TMSB15B: variants seen among roughly 807,000 people sequenced by gnomAD.
TMSB15B encodes the protein thymosin beta 15B.
chrX:103,929,534 T>G (rs1458121885), intron 1 of TMSB15B, among the ~76,000 whole-genome samples: 4 of 111,597 alleles, frequency 3.6e-5, no homozygotes, highest in African/African-American at 1.3e-4. Context: ...AGGCTGTGGG[T>G]CCTACTTTCA....
intron 1 of TMSB15B, among the ~76,000 whole-genome samples, chrX:103,945,546 T>C (rs1458423357): frequency 1.8e-5 from 2 of 112,511 alleles, no homozygotes; most frequent in Non-Finnish European, 3.8e-5. Context: ...GAGTGAATCC[T>C]TAATGACCCA....
rs782320457 is a variant in TMSB15B, at chrX:103,945,561, C to G, written c.-720-16460C>G. 1.1e-4 allele frequency among the ~76,000 whole-genome samples: 12 copies of G among 112,417 alleles called. No individual in the cohort carries two copies. The East Asian group carries it at 2.2e-3, about 21-fold the overall frequency. On this transcript the variant is annotated intron_variant, in intron 1 of 3. Coordinates refer to the TMSB15B transcript ENST00000419165. ...GAGTGAATCCTTAATGACCCAGAAG[C>G]CTGTTAAATATTCCACCCCCTCTCA...
intron 1 of TMSB15B, among the ~76,000 whole-genome samples, chrX:103,950,636 C>A (rs1427676216): frequency 1.8e-5 from 2 of 108,792 alleles, no homozygotes; most frequent in African/African-American, 6.7e-5. Flanking sequence ...ATATATAAAA[C>A]AATTTACTAT....
intron 1 of TMSB15B, among the ~76,000 whole-genome samples, chrX:103,930,404 C>T (rs2074981371): frequency 9.0e-6 from 1 of 111,338 alleles, no homozygotes; most frequent in Non-Finnish European, 1.9e-5. Flanking sequence ...ATAGATGGTA[C>T]TGATTCTGTT....
chrX:103,950,008 G>A (rs1371294795), intron 1 of TMSB15B, among the ~76,000 whole-genome samples: 4 of 111,348 alleles, frequency 3.6e-5, no homozygotes, highest in African/African-American at 1.3e-4. Flanking sequence ...CTCATTAGCC[G>A]TGCCCAATGC....
rs145402369 is a variant in TMSB15B at position 103,927,182 on chromosome X, G to T, written c.-721+7890G>T. Among the ~76,000 whole-genome samples, 24 of 110,948 alleles carry T rather than the reference G, an allele frequency of 2.2e-4. No individual in the cohort carries two copies. In the East Asian group the frequency reaches 6.8e-3, roughly 32 times the overall value. ...ATCTAGTACAGTGGTGCTGAGCTGGGAACAGTTTTGCCTCCCTGGGGACGT... is the reference window on the plus strand; with the variant it reads ...ATCTAGTACAGTGGTGCTGAGCTGGTAACAGTTTTGCCTCCCTGGGGACGT... On this transcript the variant is annotated intron_variant, in intron 1 of 3. Transcript: ENST00000419165.
At chrX:103,954,315 G>T (rs1208531648) in intron 1 of TMSB15B, among the ~76,000 whole-genome samples, 1 of 112,047 alleles carries the variant, frequency 8.9e-6, no homozygotes. Flanking sequence ...TCCTTGGTCT[G>T]CTGTCCTCTC....
chrX:103,937,335 C>A (rs782253127), intron 1 of TMSB15B, among the ~76,000 whole-genome samples: 1 of 112,088 alleles, frequency 8.9e-6, no homozygotes, highest in South Asian at 3.7e-4. Flanking sequence ...ATTACTGCCT[C>A]AATTTCAGAA....
At position 103,944,939 on chromosome X, in the gene TMSB15B, C is replaced by T. The variant is rs186241883; in HGVS notation, c.-720-17082C>T. On this transcript the variant is annotated intron_variant, in intron 1 of 3. Coordinates refer to the TMSB15B transcript ENST00000419165. Reference sequence around the variant, plus strand: ...ACTACAGGCATGCACCACCATGCCCCGCTGGCTTTTGTATTTTTAGTAAAA... The same window carrying T: ...ACTACAGGCATGCACCACCATGCCCTGCTGGCTTTTGTATTTTTAGTAAAA... 1.1e-3 allele frequency among the ~76,000 whole-genome samples: 118 copies of T among 111,426 alleles called. 1 individual carries two copies. Among genetic ancestry groups the T allele is most frequent in the Admixed American group, 1.1e-3 (12 of 10,560 alleles).
chrX:103,954,868 A>T (rs1456426349), intron 1 of TMSB15B, among the ~76,000 whole-genome samples: 13 of 111,780 alleles, frequency 1.2e-4, no homozygotes, highest in African/African-American at 2.0e-4. Context: ...GCAGTGGTGA[A>T]TGCCCACAGG....
At chrX:103,944,610 T>C (rs1426145082) in intron 1 of TMSB15B, among the ~76,000 whole-genome samples, 1 of 111,272 alleles carries the variant, frequency 9.0e-6, no homozygotes, top group African/African-American at 3.3e-5. Context: ...ATGCCAAGCA[T>C]GGTATGAGAA....
intron 1 of TMSB15B, among the ~76,000 whole-genome samples, chrX:103,921,496 T>C (rs1423476885): frequency 9.0e-6 from 1 of 111,516 alleles, no homozygotes; most frequent in Non-Finnish European, 1.9e-5. Context: ...GGAAATGGAT[T>C]GTGTAAAGGT....
chrX:103,936,652 T>G (rs1287193499), intron 1 of TMSB15B, among the ~76,000 whole-genome samples: 7 of 112,116 alleles, frequency 6.2e-5, no homozygotes, highest in African/African-American at 2.3e-4. Flanking sequence ...TTCTCTTGCC[T>G]GATTGTCCTG....
chrX:103,928,661 G>A, intron 1 of TMSB15B: 1 of 1,155,254 alleles, frequency 8.7e-7, no homozygotes, highest in South Asian at 1.8e-5. Flanking sequence ...AGCCTGGGGA[G>A]CACTCTATAT....
intron 1 of TMSB15B, among the ~76,000 whole-genome samples, chrX:103,941,337 G>C (rs1305244822): frequency 1.8e-5 from 2 of 111,699 alleles, no homozygotes; most frequent in African/African-American, 6.5e-5. Context: ...TTCAATATAC[G>C]GTTTAAAACA....
Position 103,935,028 on chromosome X carries a change from C to A in TMSB15B, c.-721+15736C>A, listed in dbSNP as rs1556320994. Among the ~76,000 whole-genome samples the A allele has an allele frequency of 2.7e-5, 3 of 112,281 alleles. No homozygotes were observed. The South Asian group carries it at 1.1e-3, about 42-fold the overall frequency. On this transcript the variant is annotated intron_variant, in intron 1 of 3. Coordinates refer to the TMSB15B transcript ENST00000419165. The stretch of plus-strand genomic sequence containing the variant: ...TTGTTTCTTGACTTTTTAATGTTCG[C>A]CACTCTAACTGGCGTGAGATGGTGT...
chrX:103,940,380 A>G, intron 1 of TMSB15B, among the ~76,000 whole-genome samples: 1 of 112,148 alleles, frequency 8.9e-6, no homozygotes, highest in South Asian at 3.8e-4. Context: ...TAGAGAGGCA[A>G]TCTGGCTACA....
At chrX:103,931,132 C>T (rs1355903731) in intron 1 of TMSB15B, 1 of 111,321 alleles carries the variant, frequency 9.0e-6, no homozygotes, top group Non-Finnish European at 1.9e-5. Context: ...AATGGCTAGT[C>T]CAGGAGAGTT....
chrX:103,928,649 A>C, intron 1 of TMSB15B: 1 of 1,157,749 alleles, frequency 8.6e-7, no homozygotes, highest in Non-Finnish European at 1.2e-6. Flanking sequence ...CTGGCCAGGA[A>C]CAGCCTGGGG....
Sources: allele counts gnomAD v4.1 joint callset (sites outside exome capture counted in the v4.1 genomes callset), GRCh38; gene constraint gnomAD v4.1.1; transcripts MANE v1.5; gene names NCBI Gene and HGNC (gene_info 2026-07-23, HGNC 2026-07-21).